CSMD1: variants seen among roughly 807,000 people sequenced by gnomAD.
CSMD1 encodes CUB and Sushi multiple domains 1, also known as CUB and sushi domain-containing protein 1.
CSMD1 carries 213 observed loss-of-function variants against 417.5 expected under a neutral mutation model. The observed-to-expected ratio is 0.51, with a 90% CI of 0.46 to 0.57. The LOEUF is 0.57. Among genes scored for constraint, CSMD1 ranks in the 20% least tolerant of loss-of-function variants. CSMD1 has a pLI of 0.00. For synonymous variants in CSMD1, 2,862 were observed against 1,736.8 expected, an observed-to-expected ratio of 1.65 and a Z score of -16.11; for missense variants, 6,923 against 4,529.7, an observed-to-expected ratio of 1.53 and a Z score of -15.17.
chr8:3,246,660 C>T (rs116862294), intron 26 of CSMD1, among the ~76,000 whole-genome samples: 13 of 152,168 alleles, frequency 8.5e-5, no homozygotes, highest in Middle Eastern at 3.4e-3. Flanking sequence ...TTGAAAGAGA[C>T]GGGGTTTTGC....
At chr8:3,993,409 G>C (rs1028261016) in intron 5 of CSMD1, among the ~76,000 whole-genome samples, 1 of 152,180 alleles carries the variant, frequency 6.6e-6, no homozygotes, top group African/African-American at 2.4e-5. Context: ...TAAGTGACAA[G>C]TTGGGTAAAC....
At chr8:3,324,994 T>C (rs1806432447) in intron 23 of CSMD1, among the ~76,000 whole-genome samples, 1 of 152,212 alleles carries the variant, frequency 6.6e-6, no homozygotes, top group Non-Finnish European at 1.5e-5. Context: ...AAAAAAGCAT[T>C]TGTTGTAGAA....
chr8:4,457,494 A>G (rs887960592), intron 2 of CSMD1, among the ~76,000 whole-genome samples: 13 of 152,144 alleles, frequency 8.5e-5, no homozygotes, highest in Admixed American at 7.9e-4. Flanking sequence ...AGTTTTCTAT[A>G]AGAAATGATC....
chr8:3,671,223 T>G (rs66797919), intron 7 of CSMD1, among the ~76,000 whole-genome samples: 4 of 146,446 alleles, frequency 2.7e-5, no homozygotes, highest in Admixed American at 6.9e-5. Context: ...AGGGGATGTA[T>G]GTATATGGGA....
chr8:3,128,661 G>T (rs1817636791), intron 41 of CSMD1: 1 of 320,368 alleles, frequency 3.1e-6, no homozygotes, highest in Non-Finnish European at 6.1e-6. Flanking sequence ...CTAATTAAGT[G>T]TCACCTCTGT....
intron 3 of CSMD1, among the ~76,000 whole-genome samples, chr8:4,348,812 C>G (rs926137835): frequency 1.3e-4 from 20 of 152,106 alleles, no homozygotes; most frequent in Non-Finnish European, 2.5e-4. Flanking sequence ...TTTATTCTTC[C>G]AAGACCCAGT....
intron 3 of CSMD1, among the ~76,000 whole-genome samples, chr8:4,046,800 A>G (rs1306470085): frequency 6.6e-6 from 1 of 152,196 alleles, no homozygotes; most frequent in East Asian, 1.9e-4. Flanking sequence ...GAGCAAGTGA[A>G]CTAACAATTA....
At chr8:4,702,997 A>G (rs1807683078) in intron 1 of CSMD1, among the ~76,000 whole-genome samples, 1 of 152,226 alleles carries the variant, frequency 6.6e-6, no homozygotes, top group Non-Finnish European at 1.5e-5. Context: ...AAGAATGATT[A>G]TTTAAAATGC....
chr8:3,155,228 T>C (rs1375846004), intron 39 of CSMD1, among the ~76,000 whole-genome samples: 1 of 152,042 alleles, frequency 6.6e-6, no homozygotes, highest in South Asian at 2.1e-4. Context: ...AAAATTTCAA[T>C]TCCTGACTTT....
intron 5 of CSMD1, among the ~76,000 whole-genome samples, chr8:3,785,588 G>C (rs958053142): frequency 2.0e-5 from 3 of 152,198 alleles, no homozygotes; most frequent in Non-Finnish European, 4.4e-5. Flanking sequence ...CACTTAATTG[G>C]ATCATTTGAT....
chr8:3,786,412 G>C (rs1286527778), intron 5 of CSMD1, among the ~76,000 whole-genome samples: 1 of 152,166 alleles, frequency 6.6e-6, no homozygotes, highest in South Asian at 2.1e-4. Context: ...ACAAGAGTTT[G>C]GGGGACCACA....
At chr8:4,762,457 T>A (rs1183751358) in intron 1 of CSMD1, among the ~76,000 whole-genome samples, 1 of 152,182 alleles carries the variant, frequency 6.6e-6, no homozygotes, top group Non-Finnish European at 1.5e-5. Context: ...AGCATCTCAG[T>A]TATTTAACAT....
chr8:4,298,517 G>C (rs1191070750), intron 3 of CSMD1, among the ~76,000 whole-genome samples: 1 of 152,094 alleles, frequency 6.6e-6, no homozygotes, highest in Non-Finnish European at 1.5e-5. Context: ...GCCCTGACTT[G>C]ACCTATATAC....
At chr8:4,884,304 T>G (rs1803589490) in intron 1 of CSMD1, among the ~76,000 whole-genome samples, 1 of 152,018 alleles carries the variant, frequency 6.6e-6, no homozygotes, top group Non-Finnish European at 1.5e-5. Flanking sequence ...ATTCGCCCAA[T>G]TTATCTCCCA....
At chr8:4,203,178 A>C (rs911467982) in intron 3 of CSMD1, among the ~76,000 whole-genome samples, 4 of 152,214 alleles carry the variant, frequency 2.6e-5, no homozygotes, top group African/African-American at 4.8e-5. Context: ...GTCATTTAAA[A>C]AATCGTCAGT....
At chr8:4,475,339 G>A (rs754620081) in intron 2 of CSMD1, among the ~76,000 whole-genome samples, 2 of 152,122 alleles carry the variant, frequency 1.3e-5, no homozygotes, top group Non-Finnish European at 2.9e-5. Flanking sequence ...TCATAAGACA[G>A]AAGCAGTATA....
At chr8:4,691,279 T>C (rs530034198) in intron 1 of CSMD1, among the ~76,000 whole-genome samples, 2 of 151,690 alleles carry the variant, frequency 1.3e-5, no homozygotes, top group Non-Finnish European at 2.9e-5. Flanking sequence ...AGGTGGAGAG[T>C]GTGAATTTCA....
intron 3 of CSMD1, among the ~76,000 whole-genome samples, chr8:4,254,302 C>G (rs1359433047): frequency 6.6e-6 from 1 of 152,114 alleles, no homozygotes; most frequent in Non-Finnish European, 1.5e-5. Flanking sequence ...AACACAGAAT[C>G]AGGAATTCGA....
intron 11 of CSMD1, among the ~76,000 whole-genome samples, chr8:3,487,589 G>C (rs1818127230): frequency 6.6e-6 from 1 of 152,158 alleles, no homozygotes; most frequent in African/African-American, 2.4e-5. Context: ...ATCCACCAAA[G>C]TATCGGGTAA....
Sources: gnomAD v4.1 joint callset for allele counts (sites outside exome capture counted in the v4.1 genomes callset) on GRCh38, gnomAD v4.1.1 for gene constraint, MANE v1.5 for transcripts, NCBI Gene and HGNC (gene_info 2026-07-23, HGNC 2026-07-21) for gene names.